The following ARMH3 variants were observed in gnomAD, a reference collection of about 807,000 sequenced individuals.
ARMH3 encodes the protein armadillo-like helical domain-containing protein 3.
Under a neutral mutation model 99.1 loss-of-function variants are expected in ARMH3, and 60 were observed. That is an observed-to-expected ratio of 0.61 (90% CI 0.49 to 0.75). ARMH3 has a LOEUF of 0.75. ARMH3 is among the 30% of genes least tolerant of loss of function. The pLI, the probability that ARMH3 is intolerant of heterozygous loss-of-function variation, is 0.00. For missense variants in ARMH3, 679 were observed against 843.1 expected (o/e 0.81, Z 2.41); for synonymous variants, 285 against 292.8 (o/e 0.97, Z 0.27).
chr10:102,043,133 G>A (rs892877563), intron 1 of ARMH3, among the ~76,000 whole-genome samples: 3 of 152,174 alleles, frequency 2.0e-5, no homozygotes, highest in Non-Finnish European at 4.4e-5. Flanking sequence ...AGTAATGTGA[G>A]TGTAATCTGT....
chr10:101,917,348 T>C (rs1450251672), intron 23 of ARMH3, among the ~76,000 whole-genome samples: 29 of 152,244 alleles, frequency 1.9e-4, no homozygotes, highest in Admixed American at 1.9e-3. Flanking sequence ...AATGGAATCA[T>C]ACAGCATGTA....
chr10:102,011,843 G>A (rs1287251881), intron 10 of ARMH3, 60 bp from the exon 11 acceptor site: 2 of 1,406,638 alleles, frequency 1.4e-6, no homozygotes, highest in South Asian at 1.2e-5. Flanking sequence ...CTTTGTCCTT[G>A]ACATTTGGGG....
At position 101,978,278 on chromosome 10, in the gene ARMH3, C is replaced by T. The variant is rs543102487; in HGVS notation, c.1407-2978G>A. 4.0e-5 allele frequency among the ~76,000 whole-genome samples: 6 copies of T among 150,652 alleles called. No individual in the cohort carries two copies. The South Asian group carries it at 1.2e-3, about 31-fold the overall frequency. On this transcript the variant is annotated intron_variant, in intron 19 of 25. Transcript: ENST00000370033. ...ATGTTCCAGATTGACATCTGTCCCC[C>T]AAAATTCATATGGTGAATTATAAAT...
intron 4 of ARMH3, 135 bp from the exon 5 acceptor site, chr10:102,029,880 C>CT (rs2067086092): frequency 1.1e-6 from 1 of 917,512 alleles, no homozygotes; most frequent in Admixed American, 3.0e-5. Context: ...AAAACACAGT[C>CT]TGAGTTTTTT....
At chr10:102,008,864 C>G (rs1000963567) in intron 13 of ARMH3, among the ~76,000 whole-genome samples, 2 of 151,972 alleles carry the variant, frequency 1.3e-5, no homozygotes, top group African/African-American at 4.8e-5. Flanking sequence ...AGCGCAGGGC[C>G]CAGCGCTCAG....
intron 8 of ARMH3, 136 bp downstream of exon 8, chr10:102,023,341 A>T: frequency 1.3e-6 from 1 of 784,638 alleles, no homozygotes; most frequent in South Asian, 2.0e-5. Flanking sequence ...TAGGATTTTT[A>T]GAATCTGGAT....
rs767574858 is a variant in ARMH3 at position 102,014,033 on chromosome 10, T to C, written c.670-9A>G. ...ATATAAGGATTCACAGACTGTTAAA[T>C]AAGAGAAGAGACTCCAGGTAAGTCT... is the stretch of plus-strand genomic sequence containing the variant. On this transcript the variant is annotated splice_polypyrimidine_tract_variant and intron_variant, in intron 8 of 25. Transcript: ENST00000370033. 3 of 1,605,786 alleles carry C rather than the reference T, an allele frequency of 1.9e-6. No homozygotes were observed. Among genetic ancestry groups the C allele is most frequent in the East Asian group, 2.2e-5 (1 of 44,796 alleles).
At chr10:101,951,920 G>T (rs1258907106) in intron 22 of ARMH3, among the ~76,000 whole-genome samples, 2 of 147,252 alleles carry the variant, frequency 1.4e-5, no homozygotes, top group East Asian at 4.2e-4. Context: ...AGGGAAGGAG[G>T]GAGGGGGGCG....
chr10:101,883,003 G>C (rs1367879698), intron 24 of ARMH3, among the ~76,000 whole-genome samples: 2 of 152,168 alleles, frequency 1.3e-5, no homozygotes, highest in Non-Finnish European at 2.9e-5. Context: ...CTTAGGTTAA[G>C]CATCACCTGT....
At chr10:101,908,669 T>TC (rs1327237329) in intron 23 of ARMH3, among the ~76,000 whole-genome samples, 2 of 151,404 alleles carry the variant, frequency 1.3e-5, no homozygotes, top group Non-Finnish European at 2.9e-5. Flanking sequence ...TTTTTCTTTT[T>TC]TTTTTTTTTT....
chr10:101,863,311 AT>A (rs2066916455), intron 24 of ARMH3, among the ~76,000 whole-genome samples: 1 of 152,228 alleles, frequency 6.6e-6, no homozygotes, highest in Non-Finnish European at 1.5e-5. Flanking sequence ...ATAGAGCAAA[AT>A]TTTGTAATGA....
intron 4 of ARMH3, among the ~76,000 whole-genome samples, chr10:102,032,780 A>C (rs2067161776): frequency 6.6e-6 from 1 of 152,182 alleles, no homozygotes; most frequent in African/African-American, 2.4e-5. Context: ...CAAAAACAAG[A>C]ATTCTGTCTA....
chr10:102,047,185 A>AT lies in ARMH3; in HGVS notation c.-11-7061dup, dbSNP rs201471277. On this transcript the variant is annotated intron_variant, in intron 1 of 25. Coordinates refer to ENST00000370033, the MANE Select transcript of ARMH3 (RefSeq NM_024541.3). ...TAATGTCCACTACAGGATTTAATTG[A>AT]TTTTTTTTTAAACTCTCCCACTATC... 9.8e-3 allele frequency among the ~76,000 whole-genome samples: 1,483 copies of AT among 151,682 alleles called. 16 individuals carry two copies. The highest frequency in any genetic ancestry group is 0.031 in the African/African-American group (1,262 of 41,364).
intron 23 of ARMH3, among the ~76,000 whole-genome samples, chr10:101,905,934 A>G (rs1329790653): frequency 6.6e-6 from 1 of 152,218 alleles, no homozygotes; most frequent in East Asian, 1.9e-4. Context: ...CCGGAGTATC[A>G]TTCTTATACA....
At position 101,916,737 on chromosome 10, in the gene ARMH3, T is replaced by C. The variant is rs144606321; in HGVS notation, c.1781+23126A>G. ...GGAGACAGATTAGCATTTGAATCCA[T>C]ACACTGGGTAAAGAAGATCCACCCT... On this transcript the variant is annotated intron_variant, in intron 23 of 25. Coordinates refer to ENST00000370033, the MANE Select transcript of ARMH3 (RefSeq NM_024541.3). 1.8e-3 allele frequency among the ~76,000 whole-genome samples: 274 copies of C among 152,274 alleles called. 1 individual carries two copies. The highest frequency in any genetic ancestry group is 8.7e-4 in the Non-Finnish European group (59 of 68,014).
chr10:101,909,366 C>T (rs1471909887), intron 23 of ARMH3, among the ~76,000 whole-genome samples: 5 of 149,948 alleles, frequency 3.3e-5, no homozygotes, highest in African/African-American at 1.2e-4. Context: ...GAGATTGCAC[C>T]ACTGCACTCC....
chr10:102,038,661 G>A, intron 2 of ARMH3, among the ~76,000 whole-genome samples: 1 of 152,016 alleles, frequency 6.6e-6, no homozygotes, highest in Non-Finnish European at 1.5e-5. Context: ...CAGAATTCCT[G>A]TCAGAATTAG....
At chr10:101,963,501 C>T (rs987281967) in intron 20 of ARMH3, among the ~76,000 whole-genome samples, 1 of 152,074 alleles carries the variant, frequency 6.6e-6, no homozygotes. Context: ...GAACTCTTGA[C>T]CTCAGGTGAT....
intron 24 of ARMH3, among the ~76,000 whole-genome samples, chr10:101,881,031 T>A (rs780056518): frequency 5.9e-5 from 9 of 152,258 alleles, no homozygotes; most frequent in Non-Finnish European, 1.2e-4. Context: ...GCTTCTAACA[T>A]AACCTTCACT....
Sources: allele counts gnomAD v4.1 joint callset (sites outside exome capture counted in the v4.1 genomes callset), GRCh38; gene constraint gnomAD v4.1.1; transcripts MANE v1.5; gene names NCBI Gene and HGNC (gene_info 2026-07-23, HGNC 2026-07-21).